The following MMP26 variants were observed in gnomAD, a reference collection of about 807,000 sequenced individuals.
MMP26 encodes the protein matrix metalloproteinase-26.
In MMP26, 33 loss-of-function variants were observed where a neutral mutation model predicts 31.0. That is an observed-to-expected ratio of 1.06 (90% CI 0.81 to 1.42). The LOEUF (loss-of-function observed/expected upper bound fraction) is 1.42. MMP26 is among the 40% of genes most tolerant of loss of function. The pLI is 0.00. For missense variants in MMP26, 347 were observed against 316.1 expected, an observed-to-expected ratio of 1.10 and a Z score of -0.74; for synonymous variants, 122 against 114.9, an observed-to-expected ratio of 1.06 and a Z score of -0.40.
At position 4,982,777 on chromosome 11, in the gene MMP26, T is replaced by C. The variant is rs190968094; in HGVS notation, c.-144-5291T>C. Among the ~76,000 whole-genome samples the C allele has an allele frequency of 3.2e-4, 48 of 152,326 alleles. No homozygotes were observed. In the South Asian group the frequency reaches 6.8e-3, roughly 22 times the overall value. On this transcript the variant is annotated intron_variant, in intron 2 of 7. Transcript: ENST00000380390. The stretch of plus-strand genomic sequence containing the variant: ...TTTCTTACTTCACTCTCTGTTCTTA[T>C]CTGTATGAAAGAGGTTTGCTCAGGC...
At chr11:4,896,712 A>G (rs1589932078) in intron 2 of MMP26, among the ~76,000 whole-genome samples, 1 of 152,324 alleles carries the variant, frequency 6.6e-6, no homozygotes, top group East Asian at 1.9e-4. Context: ...AATATAATTT[A>G]CACATGGTAA....
At chr11:4,881,814 A>G (rs1386322445) in intron 2 of MMP26, 2 of 1,189,838 alleles carry the variant, frequency 1.7e-6, no homozygotes, top group African/African-American at 1.5e-5. Flanking sequence ...AAAATTGTAT[A>G]TAAAATGACT....
intron 2 of MMP26, chr11:4,821,437 A>G (rs769600758): frequency 6.2e-7 from 1 of 1,613,918 alleles, no homozygotes; most frequent in Non-Finnish European, 8.5e-7. Flanking sequence ...GGTCCTCAAT[A>G]ATACCATTGC....
At chr11:4,807,004 T>A (rs1429061496) in intron 2 of MMP26, among the ~76,000 whole-genome samples, 1 of 152,150 alleles carries the variant, frequency 6.6e-6, no homozygotes, top group Admixed American at 6.6e-5. Context: ...TCCTCATTGC[T>A]GTACGAGGCA....
chr11:4,817,339 T>C (rs1012790194), intron 2 of MMP26, among the ~76,000 whole-genome samples: 3 of 152,106 alleles, frequency 2.0e-5, no homozygotes, highest in Admixed American at 6.5e-5. Flanking sequence ...ATCCCAGCAC[T>C]TTGGGAGGCA....
At chr11:4,805,729 C>A (rs935112403) in intron 2 of MMP26, among the ~76,000 whole-genome samples, 2 of 152,130 alleles carry the variant, frequency 1.3e-5, no homozygotes, top group African/African-American at 4.8e-5. Context: ...CAGACAGAGC[C>A]CTATTGACTA....
chr11:4,763,415 G>A (rs1201755832), intron 1 of MMP26, among the ~76,000 whole-genome samples: 1 of 152,168 alleles, frequency 6.6e-6, no homozygotes, highest in East Asian at 1.9e-4. Context: ...TTTCTTCAAT[G>A]AAAGAATATT....
At chr11:4,904,251 G>A (rs1850848407) in intron 2 of MMP26, among the ~76,000 whole-genome samples, 1 of 152,050 alleles carries the variant, frequency 6.6e-6, no homozygotes. Flanking sequence ...GCAAACAACT[G>A]CTTAAGCAGC....
intron 2 of MMP26, among the ~76,000 whole-genome samples, chr11:4,886,899 G>A (rs990430322): frequency 3.3e-5 from 5 of 151,638 alleles, no homozygotes; most frequent in African/African-American, 9.7e-5. Flanking sequence ...CCATCCATAT[G>A]TGATTTGTTT....
intron 2 of MMP26, chr11:4,878,101 T>C (rs1328666836): frequency 6.6e-6 from 1 of 152,170 alleles, no homozygotes; most frequent in Non-Finnish European, 1.5e-5. Context: ...CCTATAATGA[T>C]TGTTTTTCCA....
intron 2 of MMP26, among the ~76,000 whole-genome samples, chr11:4,932,314 C>CT (rs1232610051): frequency 2.0e-5 from 3 of 152,152 alleles, no homozygotes; most frequent in African/African-American, 7.2e-5. Flanking sequence ...TCCTTTGAAT[C>CT]TGAGCTTGTT....
intron 2 of MMP26, among the ~76,000 whole-genome samples, chr11:4,857,647 C>G (rs922819692): frequency 6.6e-6 from 1 of 152,130 alleles, no homozygotes; most frequent in African/African-American, 2.4e-5. Context: ...ACCAGAGGTA[C>G]AAGGAGGAGC....
chr11:4,739,725 T>C (rs1287600546), intron 1 of MMP26, among the ~76,000 whole-genome samples: 1 of 152,124 alleles, frequency 6.6e-6, no homozygotes. Context: ...TTTATCTCTA[T>C]CTACTATTGC....
At chr11:4,713,122 AT>A (rs1260200277) in intron 1 of MMP26, among the ~76,000 whole-genome samples, 2 of 151,984 alleles carry the variant, frequency 1.3e-5, no homozygotes, top group Non-Finnish European at 2.9e-5. Context: ...TCAGGTTGAT[AT>A]TGAAACCAAG....
intron 2 of MMP26, among the ~76,000 whole-genome samples, chr11:4,788,642 G>T (rs915836882): frequency 4.6e-5 from 7 of 152,166 alleles, no homozygotes; most frequent in Middle Eastern, 3.4e-3. Context: ...AACACAGTTG[G>T]CATTGTCAAA....
intron 1 of MMP26, among the ~76,000 whole-genome samples, chr11:4,719,962 G>A (rs1847988760): frequency 6.6e-6 from 1 of 152,182 alleles, no homozygotes; most frequent in Non-Finnish European, 1.5e-5. Context: ...GGAATAAAAA[G>A]TGCATTAACA....
chr11:4,957,891 G>A (rs1442378495), intron 2 of MMP26, among the ~76,000 whole-genome samples: 6 of 152,008 alleles, frequency 3.9e-5, no homozygotes, highest in Admixed American at 6.6e-5. Context: ...TGTTGGCCAG[G>A]CAGGTCTCGA....
chr11:4,867,822 A>G (rs1052979947), intron 2 of MMP26, among the ~76,000 whole-genome samples: 4 of 152,152 alleles, frequency 2.6e-5, no homozygotes, highest in Non-Finnish European at 5.9e-5. Flanking sequence ...ACCATTGTGG[A>G]AGAAGTTATG....
chr11:4,955,417 G>A lies in MMP26; in HGVS notation c.-144-32651G>A. 2 of 1,178,580 alleles carry A rather than the reference G, an allele frequency of 1.7e-6. 1 individual carries two copies. Among genetic ancestry groups the A allele is most frequent in the Non-Finnish European group, 2.3e-6 (2 of 853,414 alleles). The allele number at this position is 1,178,580 out of a possible 1,614,324, so 73.0% of individuals were successfully genotyped here. ...CATGAATGAAGAATTCCTGGGCAAAGCAGGCACTAGAAGAAGTTTCAGGGG... is the reference window on the plus strand; with the variant it reads ...CATGAATGAAGAATTCCTGGGCAAAACAGGCACTAGAAGAAGTTTCAGGGG... On this transcript the variant is annotated intron_variant, in intron 2 of 7. Coordinates refer to ENST00000380390, the MANE Select transcript of MMP26 (RefSeq NM_021801.5).
Sources: allele counts gnomAD v4.1 joint callset (sites outside exome capture counted in the v4.1 genomes callset), GRCh38; gene constraint gnomAD v4.1.1; transcripts MANE v1.5; gene names NCBI Gene and HGNC (gene_info 2026-07-23, HGNC 2026-07-21).